The following RAB5A variants were observed in gnomAD, a reference collection of about 807,000 sequenced individuals.
RAB5A encodes RAB5A, member RAS oncogene family, also known as ras-related protein Rab-5A.
Under a neutral mutation model 25.7 loss-of-function variants are expected in RAB5A, and 8 were observed. The ratio of observed to expected loss-of-function variants is 0.31; its 90% CI spans 0.18 to 0.56. The LOEUF is 0.56. Among genes scored for constraint, RAB5A ranks in the 20% least tolerant of loss-of-function variants. The pLI is 0.91. For missense variants in RAB5A, 192 were observed against 259.7 expected (o/e 0.74, Z 1.79); for synonymous variants, 98 against 89.8 (o/e 1.09, Z -0.52).
chr3:19,960,557 T>C (rs1281122247), intron 2 of RAB5A, among the ~76,000 whole-genome samples: 1 of 152,238 alleles, frequency 6.6e-6, no homozygotes, highest in Non-Finnish European at 1.5e-5. Context: ...TGCCTTAGCC[T>C]CCCAAAGTGC....
chr3:19,947,743 C>G (rs547192725), intron 1 of RAB5A: 2 of 152,370 alleles, frequency 1.3e-5, no homozygotes, highest in Admixed American at 1.3e-4. Flanking sequence ...TGGGGACTGA[C>G]TGAGGGAGCG....
intron 2 of RAB5A, among the ~76,000 whole-genome samples, chr3:19,962,651 T>C (rs2125184212): frequency 6.6e-6 from 1 of 152,312 alleles, no homozygotes; most frequent in Admixed American, 6.5e-5. Flanking sequence ...CAGTATTCCC[T>C]TGCATGGGTC....
At chr3:19,966,911 C>G (rs371971552) in intron 2 of RAB5A, among the ~76,000 whole-genome samples, 2 of 152,152 alleles carry the variant, frequency 1.3e-5, no homozygotes, top group South Asian at 2.1e-4. Context: ...TCAAGTGATT[C>G]TTCTGCCTGT....
intron 2 of RAB5A, among the ~76,000 whole-genome samples, chr3:19,966,101 A>C (rs775769397): frequency 6.6e-6 from 1 of 152,168 alleles, no homozygotes; most frequent in Non-Finnish European, 1.5e-5. Context: ...TTGAATATAC[A>C]GTTGAGTGGT....
At chr3:19,975,452 C>A in intron 2 of RAB5A, 149 bp from the exon 3 acceptor site, 1 of 658,352 alleles carries the variant, frequency 1.5e-6, no homozygotes, top group Non-Finnish European at 2.4e-6. Flanking sequence ...TTTCCCCCCT[C>A]ATTTATTACT....
intron 2 of RAB5A, among the ~76,000 whole-genome samples, chr3:19,961,266 A>G (rs1575070085): frequency 6.6e-6 from 1 of 152,210 alleles, no homozygotes; most frequent in African/African-American, 2.4e-5. Context: ...AAACTGAAGC[A>G]ATAAAGGTTA....
chr3:19,953,798 A>G (rs1434893539), intron 2 of RAB5A, among the ~76,000 whole-genome samples: 1 of 152,212 alleles, frequency 6.6e-6, no homozygotes, highest in Non-Finnish European at 1.5e-5. Context: ...CATTATGGTT[A>G]TAGCTGTGGA....
chr3:19,978,280 C>G, intron 4 of RAB5A, 30 bp from the exon 5 acceptor site: 1 of 1,364,886 alleles, frequency 7.3e-7, no homozygotes, highest in Non-Finnish European at 1.0e-6. Flanking sequence ...AGATATATCT[C>G]ATATATCTCA....
chr3:19,951,060 G>A lies in RAB5A; in HGVS notation c.162G>A (p.Gly54=), dbSNP rs201114014. The change falls in exon 2 of 6, where the codon GGG becomes GGA. Residue 54 remains glycine, a splice_region_variant and synonymous_variant. Transcript: ENST00000273047. The part of the protein sequence containing the change: ...QFHEFQESTI[G]AAFLTQTVCL... Reference sequence around the variant, plus strand: ...ATGAATTTCAAGAGAGTACCATTGGGGGTGAGATTTTCTTTTTTCCCTGCT... The same window carrying A: ...ATGAATTTCAAGAGAGTACCATTGGAGGTGAGATTTTCTTTTTTCCCTGCT... 6.2e-7 allele frequency: 1 copy of A among 1,610,084 alleles called. No homozygotes were observed. The highest frequency in any genetic ancestry group is 1.7e-5 in the Admixed American group (1 of 58,890).
intron 5 of RAB5A, among the ~76,000 whole-genome samples, chr3:19,983,020 T>C (rs565673561): frequency 2.6e-5 from 4 of 152,280 alleles, no homozygotes; most frequent in Non-Finnish European, 5.9e-5. Flanking sequence ...ATCATCTTTA[T>C]TGACTTAGAT....
intron 2 of RAB5A, among the ~76,000 whole-genome samples, chr3:19,967,233 C>T (rs1217838750): frequency 6.6e-6 from 1 of 151,678 alleles, no homozygotes; most frequent in Non-Finnish European, 1.5e-5. Flanking sequence ...CAACCTCCAT[C>T]TCCTGGGTAC....
At chr3:19,948,401 G>A (rs980815001) in intron 1 of RAB5A, among the ~76,000 whole-genome samples, 1 of 152,186 alleles carries the variant, frequency 6.6e-6, no homozygotes, top group Non-Finnish European at 1.5e-5. Flanking sequence ...TGATAACTCA[G>A]CATTTGTATA....
At chr3:19,974,881 C>T (rs1035706776) in intron 2 of RAB5A, among the ~76,000 whole-genome samples, 1 of 152,148 alleles carries the variant, frequency 6.6e-6, no homozygotes, top group Non-Finnish European at 1.5e-5. Context: ...TTTCCCCCAA[C>T]TTCATTTTTT....
rs746635502 is a variant in RAB5A at position 19,969,044 on chromosome 3, G to GTTTTTTTTTTTTTTTTTTTTT, written c.164-6557_164-6556insTTTTTTTTTTTTTTTTTTTTT. On this transcript the variant is annotated intron_variant, in intron 2 of 5. Coordinates refer to ENST00000273047, the MANE Select transcript of RAB5A (RefSeq NM_004162.5). Reference sequence around the variant, plus strand: ...TTTTTGGTTTTGGTTTTTTTTTTTTGGTTTTTTTTTTTTTTTTGAGATGGA... The same window carrying GTTTTTTTTTTTTTTTTTTTTT: ...TTTTTGGTTTTGGTTTTTTTTTTTTGTTTTTTTTTTTTTTTTTTTTTGTTTTTTTTTTTTTTTTGAGATGGA... 1.2e-4 allele frequency among the ~76,000 whole-genome samples: 8 copies of GTTTTTTTTTTTTTTTTTTTTT among 65,552 alleles called. 1 individual carries two copies. Among genetic ancestry groups the GTTTTTTTTTTTTTTTTTTTTT allele is most frequent in the Non-Finnish European group, 1.1e-4 (4 of 37,622 alleles). The allele number at this position is 65,552 out of a possible 152,430, so 43.0% of individuals were successfully genotyped here.
intron 1 of RAB5A, among the ~76,000 whole-genome samples, chr3:19,950,467 T>C (rs1364838956): frequency 6.6e-6 from 1 of 152,234 alleles, no homozygotes; most frequent in Non-Finnish European, 1.5e-5. Context: ...TGACAATAAC[T>C]GTGTGACCTC....
chr3:19,947,870 T>G (rs77756562), intron 1 of RAB5A: 3,647 of 152,728 alleles, frequency 0.024, 40 homozygotes, highest in Non-Finnish European at 0.03. Context: ...CAAGGCAGGT[T>G]CGGGGGAGGA....
In RAB5A at chr3:19,976,271, A is replaced by G. The variant is rs190323216; in HGVS notation, c.438+102A>G. The G allele has an allele frequency of 2.0e-5, 26 of 1,281,046 alleles. No homozygotes were observed. In the Admixed American group the frequency reaches 4.1e-4, roughly 20 times the overall value. 79.4% of individuals were successfully genotyped at this position (1,281,046 alleles called of 1,614,324 possible). A position where few individuals can be genotyped will look rare whatever the true frequency, so the allele number is the denominator to read the frequency against. ...TTATAATGTCAAAACCATGCAAGTAATAGAAAATACTGATTTTTAAAACAA... is the reference window on the plus strand; with the variant it reads ...TTATAATGTCAAAACCATGCAAGTAGTAGAAAATACTGATTTTTAAAACAA... On this transcript the variant is annotated intron_variant, in intron 4 of 5. Transcript: ENST00000273047.
In RAB5A at chr3:19,973,442, C is replaced by T. The variant is rs976059681; in HGVS notation, c.164-2159C>T. Among the ~76,000 whole-genome samples the T allele has an allele frequency of 2.7e-5, 4 of 148,448 alleles. No homozygotes were observed. The East Asian group carries it at 8.1e-4, about 30-fold the overall frequency. Reference sequence around the variant, plus strand: ...TTGAAAAAAGGCTTATGTATTGTGACTTATTTTCCTCTTTTCCTTTTTGGT... The same window carrying T: ...TTGAAAAAAGGCTTATGTATTGTGATTTATTTTCCTCTTTTCCTTTTTGGT... On this transcript the variant is annotated intron_variant, in intron 2 of 5. Transcript: ENST00000273047.
At chr3:19,966,198 C>A (rs551970627) in intron 2 of RAB5A, among the ~76,000 whole-genome samples, 3 of 152,266 alleles carry the variant, frequency 2.0e-5, no homozygotes, top group African/African-American at 7.2e-5. Context: ...AATAACTACC[C>A]CTTCTTCCCG....
Sources: gnomAD v4.1 joint callset for allele counts (sites outside exome capture counted in the v4.1 genomes callset) on GRCh38, gnomAD v4.1.1 for gene constraint, MANE v1.5 for transcripts, NCBI Gene and HGNC (gene_info 2026-07-23, HGNC 2026-07-21) for gene names.